Variants in JARID2 observed in about 807,000 individuals in gnomAD.
The protein encoded by JARID2 is jumonji and AT-rich interaction domain containing 2, also known as protein Jumonji.
JARID2 carries 21 observed loss-of-function variants against 125.6 expected under a neutral mutation model. That is an observed-to-expected ratio of 0.17 (90% CI 0.12 to 0.24). JARID2 has a LOEUF of 0.24. Among genes scored for constraint, JARID2 ranks in the 10% least tolerant of loss-of-function variants. The pLI is 1.00. For missense variants in JARID2, 1,303 were observed against 1,639.6 expected (o/e 0.79, Z 3.55); for synonymous variants, 736 against 661.6 (o/e 1.11, Z -1.73).
At chr6:15,332,935 CTTTTTTTTTTTTT>C (rs33921682) in intron 1 of JARID2, among the ~76,000 whole-genome samples, 2 of 42,170 alleles carry the variant, frequency 4.7e-5, no homozygotes, top group Non-Finnish European at 9.5e-5. Flanking sequence ...CTTTTCTTTT[CTTTTTTTTTTTTT>C]TTTTTTTTTT....
chr6:15,325,666 CTT>C, intron 1 of JARID2, among the ~76,000 whole-genome samples: 1 of 152,302 alleles, frequency 6.6e-6, no homozygotes, highest in African/African-American at 2.4e-5. Context: ...CCGCCATAGA[CTT>C]TGCTCCATCA....
chr6:15,302,727 G>A (rs1392829610), intron 1 of JARID2, among the ~76,000 whole-genome samples: 1 of 151,898 alleles, frequency 6.6e-6, no homozygotes, highest in Non-Finnish European at 1.5e-5. Flanking sequence ...GTTATTTGGT[G>A]GTTATTTATT....
intron 5 of JARID2, among the ~76,000 whole-genome samples, chr6:15,482,461 C>A (rs370187016): frequency 6.6e-6 from 1 of 152,136 alleles, no homozygotes; most frequent in South Asian, 2.1e-4. Flanking sequence ...AAACCAGTTA[C>A]GTGTTAAACA....
chr6:15,413,004 T>TG (rs1561845259), intron 3 of JARID2, among the ~76,000 whole-genome samples: 5 of 68,312 alleles, frequency 7.3e-5, no homozygotes, highest in African/African-American at 3.9e-4. Context: ...GAGCTTGTGT[T>TG]TTTGTTTTTT....
At chr6:15,441,573 A>G (rs937385910) in intron 3 of JARID2, among the ~76,000 whole-genome samples, 4 of 152,016 alleles carry the variant, frequency 2.6e-5, no homozygotes, top group African/African-American at 9.7e-5. Flanking sequence ...ACTGCATGAG[A>G]GGGAGGACAT....
chr6:15,391,704 A>G lies in JARID2; in HGVS notation c.181+17452A>G, dbSNP rs143685089. On this transcript the variant is annotated intron_variant, in intron 2 of 17. Transcript: ENST00000341776. ...AAAAATTTGATATGTTGGAATGGGCACTGACATTGGATCGTAATTCTTGTT... is the reference window on the plus strand; with the variant it reads ...AAAAATTTGATATGTTGGAATGGGCGCTGACATTGGATCGTAATTCTTGTT... Among the ~76,000 whole-genome samples the G allele has an allele frequency of 6.5e-3, 988 of 152,326 alleles. 9 individuals carry two copies. Among genetic ancestry groups the G allele is most frequent in the African/African-American group, 0.022 (910 of 41,568 alleles).
At chr6:15,247,532 TC>T (rs200939725) in intron 1 of JARID2, 4,029 of 705,252 alleles carry the variant, frequency 5.7e-3, no homozygotes, top group Admixed American at 0.021. Context: ...ATTAAATAAC[TC>T]TTTTTTTTTT....
Position 15,296,447 on chromosome 6 carries a change from A to T in JARID2, c.45+49863A>T, listed in dbSNP as rs546136732. Among the ~76,000 whole-genome samples the T allele has an allele frequency of 5.3e-5, 8 of 152,148 alleles. No homozygotes were observed. The South Asian group carries it at 1.7e-3, about 32-fold the overall frequency. The stretch of plus-strand genomic sequence containing the variant: ...GGTTATGTTTTACGAGTGGTTTTTT[A>T]ATGAAAAGTTGCAAAACCTAGTACA... On this transcript the variant is annotated intron_variant, in intron 1 of 17. Coordinates refer to ENST00000341776, the MANE Select transcript of JARID2 (RefSeq NM_004973.4).
chr6:15,396,863 A>C (rs1415282615), intron 2 of JARID2, among the ~76,000 whole-genome samples: 1 of 152,188 alleles, frequency 6.6e-6, no homozygotes, highest in Non-Finnish European at 1.5e-5. Flanking sequence ...TAGCCTTAAC[A>C]ACCCAGTTAG....
intron 1 of JARID2, among the ~76,000 whole-genome samples, chr6:15,289,108 A>G (rs962085520): frequency 1.1e-4 from 17 of 152,146 alleles, no homozygotes; most frequent in African/African-American, 4.1e-4. Context: ...AGTTAATCCA[A>G]CGAGGTGGCA....
intron 1 of JARID2, among the ~76,000 whole-genome samples, chr6:15,253,209 C>T (rs866699637): frequency 6.6e-6 from 1 of 151,970 alleles, no homozygotes; most frequent in Admixed American, 6.6e-5. Context: ...GACTAACCAG[C>T]GTGTGCCACC....
chr6:15,455,273 A>T (rs951041608), intron 4 of JARID2, among the ~76,000 whole-genome samples: 1 of 150,032 alleles, frequency 6.7e-6, no homozygotes, highest in African/African-American at 2.5e-5. Flanking sequence ...TTTTTTTTTT[A>T]AATGACAAAT....
chr6:15,273,805 T>C (rs1324439013), intron 1 of JARID2, among the ~76,000 whole-genome samples: 1 of 152,096 alleles, frequency 6.6e-6, no homozygotes, highest in Non-Finnish European at 1.5e-5. Context: ...TGGCTTTGAG[T>C]CAGGATCCTA....
chr6:15,497,190 C>T lies in JARID2; in HGVS notation c.1945+20C>T, dbSNP rs1561906001. The T allele has an allele frequency of 5.3e-6, 8 of 1,518,360 alleles. No individual in the cohort carries two copies. Among genetic ancestry groups the T allele is most frequent in the South Asian group, 1.3e-5 (1 of 79,560 alleles). 94.1% of individuals were successfully genotyped at this position (1,518,360 alleles called of 1,614,324 possible). A position where few individuals can be genotyped will look rare whatever the true frequency, so the allele number is the denominator to read the frequency against. On this transcript the variant is annotated intron_variant, in intron 7 of 17. Coordinates refer to ENST00000341776, the MANE Select transcript of JARID2 (RefSeq NM_004973.4). ...TCATAGGTAGGTCTGGGCGGGGGGTCAGGGGGTGGTGCCTGCCCTCCTGCC... is the reference window on the plus strand; with the variant it reads ...TCATAGGTAGGTCTGGGCGGGGGGTTAGGGGGTGGTGCCTGCCCTCCTGCC...
At chr6:15,250,017 G>A (rs1017983293) in intron 1 of JARID2, among the ~76,000 whole-genome samples, 2 of 152,118 alleles carry the variant, frequency 1.3e-5, no homozygotes, top group East Asian at 1.9e-4. Context: ...AGGATACTGG[G>A]GCTTCACCAC....
chr6:15,477,830 G>A (rs539248642), intron 5 of JARID2, among the ~76,000 whole-genome samples: 9 of 152,202 alleles, frequency 5.9e-5, no homozygotes, highest in Non-Finnish European at 1.3e-4. Context: ...AAGATCTGGT[G>A]CCTGGAACAA....
rs115850877 is a variant in JARID2, at chr6:15,418,978, C to T, written c.323+8613C>T. Among the ~76,000 whole-genome samples the T allele has an allele frequency of 7.1e-3, 1,076 of 152,200 alleles. 21 individuals carry two copies. Among genetic ancestry groups the T allele is most frequent in the African/African-American group, 0.024 (1,014 of 41,514 alleles). On this transcript the variant is annotated intron_variant, in intron 3 of 17. Coordinates refer to ENST00000341776, the MANE Select transcript of JARID2 (RefSeq NM_004973.4). The stretch of plus-strand genomic sequence containing the variant: ...AAAGGAAGATAAGCCCAAATGTATA[C>T]GAATCTTCTTGATAGCATGCATGAA...
At chr6:15,252,441 C>T (rs966004007) in intron 1 of JARID2, among the ~76,000 whole-genome samples, 2 of 152,172 alleles carry the variant, frequency 1.3e-5, no homozygotes, top group African/African-American at 2.4e-5. Context: ...AAACTGGACT[C>T]CCTGTCTGCT....
intron 1 of JARID2, among the ~76,000 whole-genome samples, chr6:15,276,197 GTTAAT>G (rs1190165004): frequency 2.6e-5 from 4 of 152,146 alleles, no homozygotes; most frequent in African/African-American, 9.7e-5. Flanking sequence ...AAATGTCCTA[GTTAAT>G]TTAATTTTGT....
Sources: allele counts gnomAD v4.1 joint callset (sites outside exome capture counted in the v4.1 genomes callset), GRCh38; gene constraint gnomAD v4.1.1; transcripts MANE v1.5; gene names NCBI Gene and HGNC (gene_info 2026-07-23, HGNC 2026-07-21).